TTC34: variants seen among roughly 807,000 people sequenced by gnomAD.
The protein encoded by TTC34 is tetratricopeptide repeat domain 34, also known as tetratricopeptide repeat protein 34.
Under a neutral mutation model 40.7 loss-of-function variants are expected in TTC34, and 44 were observed. That is an observed-to-expected ratio of 1.08 (90% CI 0.85 to 1.39). The LOEUF (loss-of-function observed/expected upper bound fraction) is 1.39. Among genes scored for constraint, TTC34 ranks in the 40% most tolerant of loss-of-function variants. TTC34 has a pLI of 0.00. For missense variants in TTC34, 884 were observed against 838.0 expected, an observed-to-expected ratio of 1.05 and a Z score of -0.68; for synonymous variants, 422 against 398.6, an observed-to-expected ratio of 1.06 and a Z score of -0.70.
chr1:2,750,556 C>T (rs1641282034), intron 6 of TTC34, among the ~76,000 whole-genome samples: 3 of 152,088 alleles, frequency 2.0e-5, no homozygotes, highest in African/African-American at 7.2e-5. Context: ...CCTGGGGCAG[C>T]ACCCACACCC....
chr1:2,800,297 G>A (rs1267463374), exon 2 of TTC34: 7 of 398,542 alleles, frequency 1.8e-5, no homozygotes, highest in Admixed American at 4.4e-5. Context: ...GCTGGTGGGT[G>A]CGAATGAAAG....
rs867142830 is a variant in TTC34 at position 2,783,656 on chromosome 1, C to T, written c.2179G>A (p.Ala727Thr). The change falls in exon 6 of 9, where the codon GCA becomes ACA. Residue 727 changes from alanine to threonine, a missense_variant. Ala to Thr is a moderately conservative substitution (Grantham distance 58). Coordinates refer to ENST00000401095, the Ensembl canonical transcript of TTC34. ...TGCACCAACGCCCGTCCACACAGTG[C>T]CTGCACGTTCCCCGGCTCAGCCCGC... 2.0e-6 allele frequency: 3 copies of T among 1,527,600 alleles called. No individual in the cohort carries two copies. In the African/African-American group the frequency reaches 4.1e-5, roughly 21 times the overall value. 94.6% of individuals were successfully genotyped at this position (1,527,600 alleles called of 1,614,324 possible). A position where few individuals can be genotyped will look rare whatever the true frequency, so the allele number is the denominator to read the frequency against.
Position 2,796,556 on chromosome 1 carries a change from T to G in TTC34, c.784+3488A>C, listed in dbSNP as rs1643711455. On this transcript the variant is annotated intron_variant, in intron 2 of 8. Coordinates refer to ENST00000401095, the Ensembl canonical transcript of TTC34. This position sits in a 1 kb window ranked among gnomAD's most constrained non-coding sequence, Gnocchi z 4.5. The stretch of plus-strand genomic sequence containing the variant: ...GGTCTTCCCTCACATTCCCCAAGCC[T>G]GCAACACTTGGGGGGTTCTGGATTT... Among the ~76,000 whole-genome samples the G allele has an allele frequency of 6.6e-6, 1 of 152,090 alleles. No individual in the cohort carries two copies. Among genetic ancestry groups the G allele is most frequent in the Non-Finnish European group, 1.5e-5 (1 of 68,014 alleles).
At chr1:2,751,389 C>CAGCG (rs1641313931) in intron 6 of TTC34, among the ~76,000 whole-genome samples, 1 of 121,112 alleles carries the variant, frequency 8.3e-6, no homozygotes, top group African/African-American at 3.1e-5. Context: ...ATCTGATGGT[C>CAGCG]TGGAGCAGCA....
chr1:2,682,508 C>G (rs1640126302), intron 6 of TTC34, among the ~76,000 whole-genome samples: 2 of 56,454 alleles, frequency 3.5e-5, no homozygotes, highest in Non-Finnish European at 8.9e-5. Context: ...AGTGCCCACA[C>G]ACCCAGGCGA....
chr1:2,651,862 G>A (rs1639144015), intron 6 of TTC34, among the ~76,000 whole-genome samples: 1 of 151,802 alleles, frequency 6.6e-6, no homozygotes, highest in Non-Finnish European at 1.5e-5. Context: ...AGCCTCTGAT[G>A]GACTCAAACA....
At chr1:2,692,279 C>G (rs1640655570) in intron 6 of TTC34, among the ~76,000 whole-genome samples, 1 of 75,762 alleles carries the variant, frequency 1.3e-5, no homozygotes. Context: ...AGGTGAGCAT[C>G]TGACAGCCTG....
exon 2 of TTC34, chr1:2,800,458 G>C (rs778593014): frequency 5.0e-6 from 2 of 398,404 alleles, no homozygotes; most frequent in African/African-American, 4.1e-5. Context: ...GCGCTGCAGC[G>C]TTGCACCACT....
chr1:2,752,448 G>A (rs1275108936), intron 6 of TTC34, among the ~76,000 whole-genome samples: 28 of 1,296 alleles, frequency 0.022, no homozygotes, highest in South Asian at 0.034. Context: ...ACAGCACCCT[G>A]CACCCCCAGG....
chr1:2,687,788 C>T (rs1318509659), intron 6 of TTC34, among the ~76,000 whole-genome samples: 1 of 150,568 alleles, frequency 6.6e-6, no homozygotes, highest in Non-Finnish European at 1.5e-5. Flanking sequence ...CATCTGACAG[C>T]CTGGGTCGGC....
intron 6 of TTC34, among the ~76,000 whole-genome samples, chr1:2,687,143 C>T (rs1452550498): frequency 2.8e-5 from 4 of 143,264 alleles, no homozygotes; most frequent in African/African-American, 5.8e-5. Flanking sequence ...GAGCATCTGA[C>T]AGCCTGGAAC....
intron 6 of TTC34, among the ~76,000 whole-genome samples, chr1:2,690,491 CACCCGCACGCACAGATGAGAAT>C: frequency 8.1e-6 from 1 of 123,160 alleles, no homozygotes; most frequent in East Asian, 2.7e-4. Context: ...CCCGCAGCAT[CACCCGCACGCACAGATGAGAAT>C]CTGACAGCCC....
At chr1:2,652,077 C>CCCACACG (rs1639156117) in intron 6 of TTC34, among the ~76,000 whole-genome samples, 1 of 59,714 alleles carries the variant, frequency 1.7e-5, no homozygotes. Context: ...TGGAGGAGCA[C>CCCACACG]CCACACCCCC....
At chr1:2,749,555 C>A (rs1355516840) in intron 6 of TTC34, among the ~76,000 whole-genome samples, 2 of 68,986 alleles carry the variant, frequency 2.9e-5, no homozygotes, top group East Asian at 4.7e-4. Flanking sequence ...CAAATAGCAG[C>A]ACCCACACCC....
chr1:2,762,390 T>A (rs1352209922), intron 6 of TTC34, among the ~76,000 whole-genome samples: 4 of 162 alleles, frequency 0.025, no homozygotes, highest in Admixed American at 0.056. Flanking sequence ...AGCATCTGAC[T>A]GCCTGGAGCA....
In TTC34 at chr1:2,645,587, G is replaced by GGGGCGGGCC; in HGVS notation, c.2227-25_2227-24insGGCCCGCCC. On this transcript the variant is annotated intron_variant, in intron 6 of 8. Transcript: ENST00000401095. This position sits in a 1 kb window ranked among gnomAD's most constrained non-coding sequence, Gnocchi z 4.7. Reference sequence around the variant, plus strand: ...TCCTGCAAGGAGGGAGGGCGGGCGGGTGCAGAGTTGTCCTAAGTAGAGAAA... The same window carrying GGGGCGGGCC: ...TCCTGCAAGGAGGGAGGGCGGGCGGGGGGCGGGCCTGCAGAGTTGTCCTAAGTAGAGAAA... The GGGGCGGGCC allele has an allele frequency of 4.4e-6, 1 of 229,534 alleles. No homozygotes were observed. The highest frequency in any genetic ancestry group is 8.6e-6 in the Non-Finnish European group (1 of 116,456). 14.2% of individuals were successfully genotyped at this position (229,534 alleles called of 1,614,324 possible).
At chr1:2,687,176 C>A (rs1230415672) in intron 6 of TTC34, among the ~76,000 whole-genome samples, 1 of 145,216 alleles carries the variant, frequency 6.9e-6, no homozygotes, top group Non-Finnish European at 1.5e-5. Context: ...CACAGGCGAG[C>A]ATCTGAACCC....
intron 6 of TTC34, among the ~76,000 whole-genome samples, chr1:2,681,676 C>A (rs1212123656): frequency 1.1e-5 from 1 of 93,278 alleles, no homozygotes; most frequent in South Asian, 3.2e-4. Context: ...CCCAGGTGAG[C>A]ATTTGACAGC....
At chr1:2,685,566 C>T (rs1348558487) in intron 6 of TTC34, among the ~76,000 whole-genome samples, 4 of 74,896 alleles carry the variant, frequency 5.3e-5, no homozygotes, top group Non-Finnish European at 9.8e-5. Flanking sequence ...CACTCCCAGG[C>T]GAGTATCTGT....
Sources: gnomAD v4.1 joint callset for allele counts (sites outside exome capture counted in the v4.1 genomes callset) on GRCh38, gnomAD v4.1.1 for gene constraint, Gnocchi (gnomAD v3.1) non-coding constraint, MANE v1.5 for transcripts, NCBI Gene and HGNC (gene_info 2026-07-23, HGNC 2026-07-21) for gene names.